The following EYS variants were observed in gnomAD, a reference collection of about 807,000 sequenced individuals.
EYS encodes protein eyes shut homolog.
EYS carries 250 observed loss-of-function variants against 282.1 expected under a neutral mutation model. The observed-to-expected ratio is 0.89, with a 90% confidence interval of 0.80 to 0.98. The LOEUF is 0.98. Ranked by LOEUF, EYS falls within the 50% of genes least tolerant of loss-of-function variation. The pLI is 0.00. For synonymous variants in EYS, 1,355 were observed against 1,282.9 expected (o/e 1.06, Z -1.20); for missense variants, 4,016 against 3,709.0 (o/e 1.08, Z -2.15).
intron 28 of EYS, among the ~76,000 whole-genome samples, chr6:64,413,531 C>CAACAACAA (rs1773972040): frequency 7.4e-6 from 1 of 134,242 alleles, no homozygotes; most frequent in Admixed American, 7.2e-5. Context: ...GTCCAAACAA[C>CAACAACAA]AACAACAACA....
chr6:64,498,774 T>C (rs1272827848), intron 26 of EYS, among the ~76,000 whole-genome samples: 1 of 152,158 alleles, frequency 6.6e-6, no homozygotes, highest in Non-Finnish European at 1.5e-5. Context: ...GCTTCATCCA[T>C]GTCCCTGCAA....
At chr6:65,175,454 G>A (rs1409709335) in intron 12 of EYS, among the ~76,000 whole-genome samples, 1 of 151,328 alleles carries the variant, frequency 6.6e-6, no homozygotes, top group Non-Finnish European at 1.5e-5. Flanking sequence ...CATATCATTT[G>A]AGTGGTATGA....
chr6:64,397,353 T>C (rs1773413960), intron 28 of EYS, among the ~76,000 whole-genome samples: 1 of 152,096 alleles, frequency 6.6e-6, no homozygotes, highest in South Asian at 2.1e-4. Context: ...TTCAGAAAGA[T>C]TGTGTTACAC....
chr6:63,962,139 C>A (rs1766095599), intron 35 of EYS, among the ~76,000 whole-genome samples: 1 of 152,068 alleles, frequency 6.6e-6, no homozygotes, highest in Admixed American at 6.6e-5. Context: ...GATGTTAGAC[C>A]AAAAACCATA....
intron 22 of EYS, among the ~76,000 whole-genome samples, chr6:64,765,884 CA>C (rs1190194958): frequency 1.3e-5 from 2 of 151,602 alleles, no homozygotes; most frequent in Non-Finnish European, 2.9e-5. Flanking sequence ...GATACCGAGC[CA>C]AAAAACCATA....
chr6:65,104,135 T>A (rs1774969087), intron 12 of EYS, among the ~76,000 whole-genome samples: 1 of 151,560 alleles, frequency 6.6e-6, no homozygotes, highest in Non-Finnish European at 1.5e-5. Context: ...AAGGAGTTTA[T>A]GTTAATAAGA....
chr6:65,692,118 C>A (rs1285454233), intron 1 of EYS, among the ~76,000 whole-genome samples: 1 of 150,274 alleles, frequency 6.7e-6, no homozygotes, highest in Non-Finnish European at 1.5e-5. Flanking sequence ...AAAATTATGT[C>A]TTTTAGGTGG....
At chr6:65,459,968 TTATA>T (rs34762215) in intron 5 of EYS, among the ~76,000 whole-genome samples, 10,957 of 80,374 alleles carry the variant, frequency 0.14, 578 homozygotes, top group Middle Eastern at 0.22. Flanking sequence ...TTTGTGTATT[TTATA>T]TATATATATA....
chr6:64,997,932 C>A (rs1771328986), intron 13 of EYS, among the ~76,000 whole-genome samples: 6 of 151,780 alleles, frequency 4.0e-5, no homozygotes, highest in Admixed American at 3.9e-4. Context: ...GAAATAAGAA[C>A]AATTACTATG....
intron 12 of EYS, among the ~76,000 whole-genome samples, chr6:65,104,950 G>A (rs1168908098): frequency 6.6e-6 from 1 of 151,448 alleles, no homozygotes; most frequent in East Asian, 1.9e-4. Flanking sequence ...AGACTGAGAT[G>A]TTCTAAAAAG....
At chr6:64,310,689 A>C (rs951866801) in intron 29 of EYS, among the ~76,000 whole-genome samples, 6 of 152,206 alleles carry the variant, frequency 3.9e-5, no homozygotes, top group African/African-American at 1.4e-4. Context: ...CCCCCAGGAC[A>C]ACAGTTTACC....
chr6:65,507,827 T>C (rs1766713141), intron 2 of EYS, among the ~76,000 whole-genome samples: 1 of 151,900 alleles, frequency 6.6e-6, no homozygotes, highest in East Asian at 1.9e-4. Context: ...TACTCATTTG[T>C]TCTTGCATTC....
At chr6:65,547,257 T>C (rs989124423) in intron 2 of EYS, among the ~76,000 whole-genome samples, 2 of 150,998 alleles carry the variant, frequency 1.3e-5, no homozygotes, top group African/African-American at 4.9e-5. Context: ...TTTCATATCA[T>C]TAGGAAATCC....
intron 31 of EYS, among the ~76,000 whole-genome samples, chr6:64,222,304 T>A (rs2150333795): frequency 6.6e-6 from 1 of 151,330 alleles, no homozygotes; most frequent in African/African-American, 2.4e-5. Flanking sequence ...TTAAATTAAG[T>A]TTTTCCTATC....
At chr6:65,405,149 A>G in intron 6 of EYS, 25 bp downstream of exon 6, 1 of 1,562,706 alleles carries the variant, frequency 6.4e-7, no homozygotes, top group South Asian at 1.1e-5. Flanking sequence ...AAAACCACTC[A>G]CTTATATGTT....
At chr6:65,380,701 A>G (rs1229718129) in intron 8 of EYS, among the ~76,000 whole-genome samples, 5 of 152,182 alleles carry the variant, frequency 3.3e-5, no homozygotes, top group Non-Finnish European at 7.4e-5. Flanking sequence ...AGAATGGGAG[A>G]AAAATTTTGC....
At chr6:64,455,311 A>G (rs545118961) in intron 26 of EYS, among the ~76,000 whole-genome samples, 2 of 152,266 alleles carry the variant, frequency 1.3e-5, no homozygotes, top group Admixed American at 1.3e-4. Flanking sequence ...TTCCCTGCCT[A>G]GAACCTTCAG....
At chr6:65,328,828 A>C (rs1033553094) in intron 11 of EYS, among the ~76,000 whole-genome samples, 6 of 151,164 alleles carry the variant, frequency 4.0e-5, no homozygotes, top group African/African-American at 1.5e-4. Flanking sequence ...CATTATCCTG[A>C]ATCCTAAAGT....
At chr6:64,006,869 G>GTGA (rs1373250965) in intron 33 of EYS, among the ~76,000 whole-genome samples, 2 of 152,050 alleles carry the variant, frequency 1.3e-5, no homozygotes, top group East Asian at 3.9e-4. Flanking sequence ...GATAAGCTTT[G>GTGA]TGATGTGCTG....
Sources: allele counts gnomAD v4.1 joint callset (sites outside exome capture counted in the v4.1 genomes callset), GRCh38; gene constraint gnomAD v4.1.1; transcripts MANE v1.5; gene names NCBI Gene and HGNC (gene_info 2026-07-23, HGNC 2026-07-21).